SUGCT: variants seen among roughly 807,000 people sequenced by gnomAD.
SUGCT encodes the protein succinyl-CoA:glutarate CoA-transferase.
In SUGCT, 41 loss-of-function variants were observed where a neutral mutation model predicts 55.0. That is an observed-to-expected ratio of 0.74 (90% CI 0.58 to 0.97). SUGCT has a LOEUF of 0.97. Ranked by LOEUF, SUGCT falls within the 50% of genes least tolerant of loss-of-function variation. The probability of loss-of-function intolerance (pLI) is 0.00; values close to 1 mark genes in which losing one functional copy is unlikely to be tolerated. For missense variants in SUGCT, 568 were observed against 547.8 expected (o/e 1.04, Z -0.37); for synonymous variants, 187 against 200.4 (o/e 0.93, Z 0.56).
At chr7:40,188,459 A>G (rs645016) in intron 3 of SUGCT, 36 bp from the exon 4 acceptor site, 1 of 1,383,704 alleles carries the variant, frequency 7.2e-7, no homozygotes, top group South Asian at 1.3e-5. Context: ...AAAAAAACAA[A>G]CCCCAAAGAT....
At chr7:40,962,209 A>T in the SUGCT span, among the ~76,000 whole-genome samples, 3 of 152,144 alleles carry the variant, frequency 2.0e-5, no homozygotes, top group Admixed American at 2.0e-4. Flanking sequence ...TTACAGAGTG[A>T]TGATTGGTGC....
the SUGCT span, among the ~76,000 whole-genome samples, chr7:40,900,661 G>T: frequency 1.3e-5 from 2 of 152,330 alleles, no homozygotes; most frequent in South Asian, 4.1e-4. Flanking sequence ...GTCCTTGCCA[G>T]TGAAGAGCAC....
chr7:40,838,841 T>C (rs867509731), intron 13 of SUGCT, among the ~76,000 whole-genome samples: 1 of 152,160 alleles, frequency 6.6e-6, no homozygotes, highest in South Asian at 2.1e-4. Flanking sequence ...TTAAAGTATA[T>C]AGTCTTTTAT....
At chr7:40,408,091 T>G (rs1786479264) in intron 9 of SUGCT, among the ~76,000 whole-genome samples, 1 of 152,080 alleles carries the variant, frequency 6.6e-6, no homozygotes, top group Non-Finnish European at 1.5e-5. Flanking sequence ...CCTTTTTTAT[T>G]TAAAAGACAG....
At chr7:40,334,585 T>A (rs1293166857) in intron 9 of SUGCT, among the ~76,000 whole-genome samples, 2 of 152,224 alleles carry the variant, frequency 1.3e-5, no homozygotes, top group African/African-American at 4.8e-5. Context: ...CTTCGCTCAC[T>A]TTTTGAAGGG....
intron 10 of SUGCT, among the ~76,000 whole-genome samples, chr7:40,451,580 A>G (rs1789193937): frequency 6.6e-6 from 1 of 152,116 alleles, no homozygotes; most frequent in Non-Finnish European, 1.5e-5. Context: ...GTTATGAGCC[A>G]TTAATCCAAT....
chr7:40,869,598 C>T, the SUGCT span, among the ~76,000 whole-genome samples: 1 of 152,172 alleles, frequency 6.6e-6, no homozygotes, highest in African/African-American at 2.4e-5. Flanking sequence ...TTATAAATGG[C>T]TGTTGTTTTA....
At position 40,564,745 on chromosome 7, in the gene SUGCT, C is replaced by T. The variant is rs182927467; in HGVS notation, c.1089+68359C>T. On this transcript the variant is annotated intron_variant, in intron 12 of 13. Transcript: ENST00000335693. ...GACTGTCTTCTAGGAGGGGCTTGGC[C>T]TAACTTCTTGTGCCCACTGATAGAA... 6.0e-4 allele frequency among the ~76,000 whole-genome samples: 91 copies of T among 152,312 alleles called. 1 individual carries two copies. In the East Asian group the frequency reaches 0.016, roughly 26 times the overall value.
rs954858156 is a variant in SUGCT, at chr7:40,340,194, T to C, written c.816+23339T>C. On this transcript the variant is annotated intron_variant, in intron 9 of 13. Transcript: ENST00000335693. ...ATCACACTATACAACTGAAAAAAGATTGTGCATAAGTATCTGCCACATAGG... is the reference window on the plus strand; with the variant it reads ...ATCACACTATACAACTGAAAAAAGACTGTGCATAAGTATCTGCCACATAGG... 5.3e-5 allele frequency among the ~76,000 whole-genome samples: 8 copies of C among 152,142 alleles called. No homozygotes were observed. The East Asian group carries it at 1.5e-3, about 29-fold the overall frequency.
chr7:40,337,403 A>G (rs1796775494), intron 9 of SUGCT, among the ~76,000 whole-genome samples: 1 of 152,092 alleles, frequency 6.6e-6, no homozygotes, highest in Non-Finnish European at 1.5e-5. Context: ...TTAGGTCTGT[A>G]AGGACTTGTT....
chr7:40,638,120 C>T (rs1019756126), intron 12 of SUGCT, among the ~76,000 whole-genome samples: 1 of 152,180 alleles, frequency 6.6e-6, no homozygotes, highest in Admixed American at 6.5e-5. Flanking sequence ...CTCTGTTGAA[C>T]AGTAAGTTGC....
chr7:41,021,124 A>G, the SUGCT span, among the ~76,000 whole-genome samples: 2 of 152,190 alleles, frequency 1.3e-5, no homozygotes, highest in African/African-American at 4.8e-5. Context: ...TCCCAAGTGT[A>G]GGGAAGAGTA....
chr7:40,392,252 G>A (rs1044084493), intron 9 of SUGCT, among the ~76,000 whole-genome samples: 1 of 152,120 alleles, frequency 6.6e-6, no homozygotes, highest in African/African-American at 2.4e-5. Context: ...CCTGCACGTT[G>A]TGCACACGTA....
chr7:40,309,786 C>CAGTGATGTGTGGTGTGTG lies in SUGCT; in HGVS notation c.721-6972_721-6971insTGATGTGTGGTGTGTGAG, dbSNP rs1285457420. Among the ~76,000 whole-genome samples the CAGTGATGTGTGGTGTGTG allele has an allele frequency of 1.5e-4, 9 of 58,436 alleles. No individual in the cohort carries two copies. The East Asian group carries it at 3.3e-3, about 21-fold the overall frequency. The allele number at this position is 58,436 out of a possible 152,430, so 38.3% of individuals were successfully genotyped here. On this transcript the variant is annotated intron_variant, in intron 8 of 13. Transcript: ENST00000335693. The stretch of plus-strand genomic sequence containing the variant: ...GGGAGTGCTAAAAACAAAGCCCACA[C>CAGTGATGTGTGGTGTGTG]AGCGAGAGGGACACAGGTACCAATG...
At chr7:40,779,016 G>A (rs1208758133) in intron 13 of SUGCT, among the ~76,000 whole-genome samples, 2 of 152,166 alleles carry the variant, frequency 1.3e-5, no homozygotes, top group Non-Finnish European at 2.9e-5. Context: ...GTTCTGAGCA[G>A]AGACCCTGGG....
chr7:41,002,505 C>T, the SUGCT span, among the ~76,000 whole-genome samples: 78 of 152,212 alleles, frequency 5.1e-4, no homozygotes, highest in Admixed American at 1.1e-3. Flanking sequence ...GGTGAGAAAT[C>T]GTTGCTTGGG....
chr7:40,358,976 C>T (rs1798013720), intron 9 of SUGCT, among the ~76,000 whole-genome samples: 3 of 152,064 alleles, frequency 2.0e-5, no homozygotes, highest in African/African-American at 7.2e-5. Context: ...TGATTGTTAG[C>T]CAAAGATACA....
intron 1 of SUGCT, among the ~76,000 whole-genome samples, chr7:40,139,993 C>T (rs988853897): frequency 3.3e-5 from 5 of 152,040 alleles, no homozygotes; most frequent in Admixed American, 6.5e-5. Flanking sequence ...GCCTCCGCCT[C>T]CTGGGTTCAA....
the SUGCT span, among the ~76,000 whole-genome samples, chr7:40,940,588 T>A: frequency 2.0e-5 from 3 of 152,148 alleles, no homozygotes; most frequent in Non-Finnish European, 4.4e-5. Context: ...CTTGTAGAGA[T>A]CTTTCACCTT....
Sources: gnomAD v4.1 joint callset for allele counts (sites outside exome capture counted in the v4.1 genomes callset) on GRCh38, gnomAD v4.1.1 for gene constraint, MANE v1.5 for transcripts, NCBI Gene and HGNC (gene_info 2026-07-23, HGNC 2026-07-21) for gene names.